Variants in SLC24A2 observed in about 807,000 individuals in gnomAD.
SLC24A2 encodes solute carrier family 24 member 2.
In SLC24A2, 36 loss-of-function variants were observed where a neutral mutation model predicts 62.0. That is an observed-to-expected ratio of 0.58 (90% CI 0.44 to 0.77). SLC24A2 has a LOEUF of 0.77. Ranked by LOEUF, SLC24A2 falls within the 30% of genes least tolerant of loss-of-function variation. SLC24A2 has a pLI of 0.00. For missense variants in SLC24A2, 846 were observed against 817.9 expected, an observed-to-expected ratio of 1.03 and a Z score of -0.42; for synonymous variants, 358 against 294.0, an observed-to-expected ratio of 1.22 and a Z score of -2.23.
At chr9:19,765,849 C>T (rs545307237) in intron 2 of SLC24A2, among the ~76,000 whole-genome samples, 1 of 152,262 alleles carries the variant, frequency 6.6e-6, no homozygotes, top group East Asian at 1.9e-4. Context: ...GCCTGCCTTG[C>T]TAGGTTGGGG....
At chr9:20,298,139 C>T in the SLC24A2 span, among the ~76,000 whole-genome samples, 1 of 152,280 alleles carries the variant, frequency 6.6e-6, no homozygotes, top group South Asian at 2.1e-4. Context: ...CAGGCACAGT[C>T]CCAGAGACTT....
chr9:20,221,338 G>C, the SLC24A2 span, among the ~76,000 whole-genome samples: 1 of 151,944 alleles, frequency 6.6e-6, no homozygotes, highest in African/African-American at 2.4e-5. Context: ...CATTTTCTGG[G>C]CTTATTTTTA....
chr9:19,761,020 A>G (rs1158280606), intron 2 of SLC24A2, among the ~76,000 whole-genome samples: 2 of 152,170 alleles, frequency 1.3e-5, no homozygotes, highest in African/African-American at 4.8e-5. Context: ...TATGTAACAA[A>G]TCTGCATGTT....
chr9:20,251,269 G>A, the SLC24A2 span, among the ~76,000 whole-genome samples: 4 of 152,044 alleles, frequency 2.6e-5, no homozygotes, highest in Non-Finnish European at 5.9e-5. Context: ...AGGTCCCCCA[G>A]GTTTGTCCCC....
chr9:20,248,804 T>G, the SLC24A2 span, among the ~76,000 whole-genome samples: 1 of 152,234 alleles, frequency 6.6e-6, no homozygotes, highest in Non-Finnish European at 1.5e-5. Flanking sequence ...TACAACTATA[T>G]TGTTAGCATT....
At chr9:19,678,943 A>G (rs1044530487) in intron 2 of SLC24A2, among the ~76,000 whole-genome samples, 3 of 152,248 alleles carry the variant, frequency 2.0e-5, no homozygotes, top group Non-Finnish European at 4.4e-5. Flanking sequence ...GCTGTCACAA[A>G]AGACACGCAA....
chr9:20,246,854 A>G, the SLC24A2 span, among the ~76,000 whole-genome samples: 2 of 152,164 alleles, frequency 1.3e-5, no homozygotes, highest in East Asian at 3.9e-4. Context: ...ACCAGTCCCA[A>G]CTGAAGCTGC....
chr9:20,301,215 A>C, the SLC24A2 span, among the ~76,000 whole-genome samples: 1 of 152,202 alleles, frequency 6.6e-6, no homozygotes, highest in African/African-American at 2.4e-5. Flanking sequence ...AACATTGGTT[A>C]AAAGTCCTAC....
the SLC24A2 span, among the ~76,000 whole-genome samples, chr9:19,886,478 G>C: frequency 4.6e-5 from 7 of 150,852 alleles, no homozygotes; most frequent in Admixed American, 6.6e-5. Flanking sequence ...CTGATCATTA[G>C]AGAAATGCAA....
chr9:20,023,480 G>T, the SLC24A2 span, among the ~76,000 whole-genome samples: 1 of 152,140 alleles, frequency 6.6e-6, no homozygotes, highest in African/African-American at 2.4e-5. Context: ...AATCTTTGTA[G>T]CTGTCACTCA....
At chr9:19,674,210 A>G (rs916457482) in intron 2 of SLC24A2, among the ~76,000 whole-genome samples, 1 of 152,110 alleles carries the variant, frequency 6.6e-6, no homozygotes, top group African/African-American at 2.4e-5. Flanking sequence ...TCTATTCTAG[A>G]TTGTAGGGTT....
the SLC24A2 span, among the ~76,000 whole-genome samples, chr9:20,192,817 T>C: frequency 6.6e-6 from 1 of 152,168 alleles, no homozygotes; most frequent in Non-Finnish European, 1.5e-5. Context: ...ACCACTGCAC[T>C]GCAAAGAGCC....
the SLC24A2 span, among the ~76,000 whole-genome samples, chr9:20,113,362 G>C: frequency 6.6e-6 from 1 of 152,096 alleles, no homozygotes; most frequent in Admixed American, 6.6e-5. Flanking sequence ...AATTATTACT[G>C]TTCACAGGAC....
intron 2 of SLC24A2, among the ~76,000 whole-genome samples, chr9:19,745,388 A>C (rs1188433435): frequency 6.6e-6 from 1 of 152,182 alleles, no homozygotes; most frequent in African/African-American, 2.4e-5. Flanking sequence ...GTGTATGTAC[A>C]TATCTCCATA....
At chr9:19,566,219 G>C (rs1441175896) in intron 7 of SLC24A2, among the ~76,000 whole-genome samples, 1 of 150,360 alleles carries the variant, frequency 6.7e-6, no homozygotes, top group East Asian at 1.9e-4. Flanking sequence ...CTACTCATCT[G>C]ACAAAGGGCT....
At chr9:20,031,562 T>A in the SLC24A2 span, among the ~76,000 whole-genome samples, 1 of 152,160 alleles carries the variant, frequency 6.6e-6, no homozygotes, top group South Asian at 2.1e-4. Flanking sequence ...GAGAGAAGGA[T>A]GTACTTTTTT....
At chr9:19,984,622 C>G in the SLC24A2 span, among the ~76,000 whole-genome samples, 3 of 152,298 alleles carry the variant, frequency 2.0e-5, no homozygotes, top group Non-Finnish European at 4.4e-5. Flanking sequence ...AGGAGAATCT[C>G]TGGAACCCAG....
chr9:20,177,953 T>C, the SLC24A2 span, among the ~76,000 whole-genome samples: 3 of 152,114 alleles, frequency 2.0e-5, no homozygotes, highest in Non-Finnish European at 4.4e-5. Flanking sequence ...CCCCTATCTA[T>C]CTGCCTCCTT....
At chr9:19,636,699 G>A (rs1001836141) in intron 2 of SLC24A2, among the ~76,000 whole-genome samples, 2 of 152,030 alleles carry the variant, frequency 1.3e-5, no homozygotes, top group Non-Finnish European at 2.9e-5. Context: ...CTCCCAAAAT[G>A]CTGAGATTAC....
Sources: gnomAD v4.1 joint callset for allele counts (sites outside exome capture counted in the v4.1 genomes callset) on GRCh38, gnomAD v4.1.1 for gene constraint, MANE v1.5 for transcripts, NCBI Gene and HGNC (gene_info 2026-07-23, HGNC 2026-07-21) for gene names.